Variants in LRP1B observed in about 807,000 individuals in gnomAD.
LRP1B encodes LDL receptor related protein 1B, also known as low-density lipoprotein receptor-related protein 1B.
A neutral mutation model predicts 556.6 loss-of-function variants in LRP1B; 217 were observed. The observed-to-expected ratio is 0.39, with a 90% CI of 0.35 to 0.44. The LOEUF (loss-of-function observed/expected upper bound fraction) is 0.44. Among genes scored for constraint, LRP1B ranks in the 20% least tolerant of loss-of-function variants. The pLI is 1.00. For missense variants in LRP1B, 5,053 were observed against 5,620.8 expected, an observed-to-expected ratio of 0.90 and a Z score of 3.23; for synonymous variants, 2,047 against 1,865.8, an observed-to-expected ratio of 1.10 and a Z score of -2.50.
chr2:140,766,648 T>G (rs1689114435), intron 35 of LRP1B, among the ~76,000 whole-genome samples: 1 of 151,306 alleles, frequency 6.6e-6, no homozygotes, highest in African/African-American at 2.4e-5. Context: ...ATGATGATGT[T>G]TATCCTCAAA....
intron 3 of LRP1B, among the ~76,000 whole-genome samples, chr2:141,260,589 A>G (rs1228615193): frequency 2.0e-5 from 3 of 152,286 alleles, no homozygotes; most frequent in Non-Finnish European, 4.4e-5. Flanking sequence ...CCAAACAACC[A>G]CTGTTTGCTA....
chr2:140,245,092 CAT>C (rs1446019735), intron 87 of LRP1B, among the ~76,000 whole-genome samples: 1 of 151,246 alleles, frequency 6.6e-6, no homozygotes, highest in Non-Finnish European at 1.5e-5. Flanking sequence ...GATAATTTGA[CAT>C]ATATGTAGCT....
At chr2:141,986,489 T>C (rs569130778) in intron 1 of LRP1B, among the ~76,000 whole-genome samples, 1 of 152,030 alleles carries the variant, frequency 6.6e-6, no homozygotes, top group Admixed American at 6.6e-5. Flanking sequence ...TTTTTTTCTT[T>C]ATATTTACCC....
chr2:140,349,283 ATG>A (rs764392567), intron 77 of LRP1B, among the ~76,000 whole-genome samples: 3 of 152,122 alleles, frequency 2.0e-5, no homozygotes, highest in Non-Finnish European at 2.9e-5. Context: ...AAAATTGAAG[ATG>A]TGTCTATGTT....
intron 7 of LRP1B, among the ~76,000 whole-genome samples, chr2:141,154,690 T>G (rs938661707): frequency 6.6e-6 from 1 of 151,920 alleles, no homozygotes; most frequent in Non-Finnish European, 1.5e-5. Context: ...AACACTCCAT[T>G]ATTATCTGAT....
chr2:142,002,722 C>T (rs545605242), intron 1 of LRP1B, among the ~76,000 whole-genome samples: 51 of 152,172 alleles, frequency 3.4e-4, no homozygotes, highest in African/African-American at 1.2e-3. Flanking sequence ...CTGAAGAGTT[C>T]TGCTTTGCTA....
At chr2:140,299,487 T>A (rs2105004344) in intron 83 of LRP1B, among the ~76,000 whole-genome samples, 1 of 152,198 alleles carries the variant, frequency 6.6e-6, no homozygotes, top group East Asian at 1.9e-4. Flanking sequence ...CAAGGTAAAT[T>A]TTATATACGT....
intron 2 of LRP1B, among the ~76,000 whole-genome samples, chr2:141,726,156 G>T (rs1472025139): frequency 1.3e-5 from 2 of 150,512 alleles, no homozygotes; most frequent in African/African-American, 2.4e-5. Context: ...ATAATAAATG[G>T]CATGAAAATA....
intron 2 of LRP1B, among the ~76,000 whole-genome samples, chr2:141,726,027 T>C (rs992881907): frequency 2.0e-5 from 3 of 151,780 alleles, no homozygotes; most frequent in Non-Finnish European, 4.4e-5. Context: ...CGGATTAAGA[T>C]TCCTTTAAAA....
At chr2:140,683,856 C>T in intron 41 of LRP1B, 2 of 608,168 alleles carry the variant, frequency 3.3e-6, no homozygotes, top group South Asian at 1.8e-5. Context: ...GAAACAGCTC[C>T]GCGGCCCCCT....
At chr2:140,783,535 G>A (rs1689776297) in intron 32 of LRP1B, among the ~76,000 whole-genome samples, 1 of 152,058 alleles carries the variant, frequency 6.6e-6, no homozygotes, top group South Asian at 2.1e-4. Context: ...AGAAGACCAT[G>A]GCAATAAAAA....
chr2:140,919,180 T>C (rs1048086781), intron 21 of LRP1B, among the ~76,000 whole-genome samples: 1 of 152,106 alleles, frequency 6.6e-6, no homozygotes, highest in Non-Finnish European at 1.5e-5. Context: ...TAATCTCATC[T>C]TGGATCACAA....
At chr2:140,636,645 A>G (rs182630241) in intron 41 of LRP1B, among the ~76,000 whole-genome samples, 21 of 152,300 alleles carry the variant, frequency 1.4e-4, no homozygotes, top group Admixed American at 5.2e-4. Flanking sequence ...TTCATCATTT[A>G]TAATAATGTT....
intron 3 of LRP1B, among the ~76,000 whole-genome samples, chr2:141,423,670 C>T (rs1000479631): frequency 2.6e-5 from 4 of 152,100 alleles, no homozygotes; most frequent in African/African-American, 9.7e-5. Flanking sequence ...CATGCACCCC[C>T]AGAACTCACT....
At chr2:140,289,892 C>T (rs1193374558) in intron 84 of LRP1B, among the ~76,000 whole-genome samples, 1 of 151,832 alleles carries the variant, frequency 6.6e-6, no homozygotes, top group Non-Finnish European at 1.5e-5. Context: ...AATGTAAGCA[C>T]CCAGTTTCTC....
rs183228856 is a variant in LRP1B at position 140,254,153 on chromosome 2, C to T, written c.13248-6991G>A. ...GTTATGAGACTTGAAATTATAAAGG[C>T]GATGTCTGGCATATTCAACTGCAGG... On this transcript the variant is annotated intron_variant, in intron 86 of 90. Coordinates refer to ENST00000389484, the MANE Select transcript of LRP1B (RefSeq NM_018557.3). Among the ~76,000 whole-genome samples the T allele has an allele frequency of 7.8e-4, 119 of 152,086 alleles. 1 individual carries two copies. Among genetic ancestry groups the T allele is most frequent in the Middle Eastern group, 3.4e-3 (1 of 294 alleles).
In LRP1B at chr2:140,570,608, T is replaced by C. The variant is rs115185245; in HGVS notation, c.7194+28023A>G. Among the ~76,000 whole-genome samples the C allele has an allele frequency of 9.6e-3, 1,461 of 151,788 alleles. 21 individuals are homozygous for C. Among genetic ancestry groups the C allele is most frequent in the African/African-American group, 0.031 (1,286 of 41,502 alleles). ...TTCTACCAAACATTTGAAGAACTAA[T>C]ATAATTTTTTTCAAACTTTTCCAGA... On this transcript the variant is annotated intron_variant, in intron 43 of 90. Coordinates refer to ENST00000389484, the MANE Select transcript of LRP1B (RefSeq NM_018557.3).
chr2:141,902,621 A>C lies in LRP1B; in HGVS notation c.83-92220T>G, dbSNP rs539356883. 6.6e-5 allele frequency among the ~76,000 whole-genome samples: 10 copies of C among 152,140 alleles called. No homozygotes were observed. The East Asian group carries it at 1.7e-3, about 27-fold the overall frequency. On this transcript the variant is annotated intron_variant, in intron 1 of 90. Coordinates refer to ENST00000389484, the MANE Select transcript of LRP1B (RefSeq NM_018557.3). ...TTCATACCTACTGTCTAATGAAGGA[A>C]CATATAGCACATTCAAGCTGCGCTT...
At position 140,490,021 on chromosome 2, in the gene LRP1B, T is replaced by C. The variant is rs139512169; in HGVS notation, c.9121-2282A>G. ...CCAGTGCAATGGTCTCTTTGCAGAA[T>C]CATATGCAAGAAACATTAAAACAGC... On this transcript the variant is annotated intron_variant, in intron 57 of 90. Coordinates refer to ENST00000389484, the MANE Select transcript of LRP1B (RefSeq NM_018557.3). Among the ~76,000 whole-genome samples the C allele has an allele frequency of 4.5e-3, 690 of 152,188 alleles. 6 individuals are homozygous for C. The highest frequency in any genetic ancestry group is 0.016 in the African/African-American group (672 of 41,554).
Sources: gnomAD v4.1 joint callset for allele counts (sites outside exome capture counted in the v4.1 genomes callset) on GRCh38, gnomAD v4.1.1 for gene constraint, MANE v1.5 for transcripts, NCBI Gene and HGNC (gene_info 2026-07-23, HGNC 2026-07-21) for gene names.